FNDC3B: variants seen among roughly 807,000 people sequenced by gnomAD.
FNDC3B encodes fibronectin type III domain containing 3B.
A neutral mutation model predicts 151.5 loss-of-function variants in FNDC3B; 12 were observed. The observed-to-expected ratio is 0.08, with a 90% CI of 0.05 to 0.13. FNDC3B has a LOEUF of 0.13. Ranked by LOEUF, FNDC3B falls within the 10% of genes least tolerant of loss-of-function variation. FNDC3B has a pLI of 1.00. For missense variants in FNDC3B, 1,214 were observed against 1,505.3 expected (o/e 0.81, Z 3.20); for synonymous variants, 528 against 549.0 (o/e 0.96, Z 0.54).
chr3:172,044,719 A>G (rs1427032556), intron 1 of FNDC3B, among the ~76,000 whole-genome samples: 1 of 152,226 alleles, frequency 6.6e-6, no homozygotes, highest in African/African-American at 2.4e-5. Context: ...TGTTATAAAT[A>G]GAATTATAGT....
At chr3:172,247,435 G>T (rs914130929) in intron 4 of FNDC3B, 98 bp from the exon 5 acceptor site, 27 of 1,331,796 alleles carry the variant, frequency 2.0e-5, no homozygotes, top group Non-Finnish European at 2.8e-5. Flanking sequence ...TTCTATGGTG[G>T]AAGAGAAAAG....
At chr3:172,257,606 A>ACACG (rs1330369593) in intron 6 of FNDC3B, among the ~76,000 whole-genome samples, 5 of 142,800 alleles carry the variant, frequency 3.5e-5, no homozygotes, top group Non-Finnish European at 7.6e-5. Context: ...ACACACACAC[A>ACACG]CACGCACTCT....
chr3:172,055,712 G>C (rs766530663), intron 1 of FNDC3B, among the ~76,000 whole-genome samples: 44 of 152,238 alleles, frequency 2.9e-4, no homozygotes, highest in South Asian at 8.3e-4. Flanking sequence ...GAGTGAGTAG[G>C]GGAGAACAGG....
chr3:172,293,018 C>T (rs577088803), intron 7 of FNDC3B, among the ~76,000 whole-genome samples: 7 of 152,168 alleles, frequency 4.6e-5, no homozygotes, highest in Non-Finnish European at 1.0e-4. Context: ...AGTCTCAGAA[C>T]ACTTAAGAGT....
rs1447259621 is a variant in FNDC3B at position 172,295,473 on chromosome 3, A to G, written c.960A>G (p.Leu320=). 6.2e-7 allele frequency: 1 copy of G among 1,613,982 alleles called. No homozygotes were observed. The highest frequency in any genetic ancestry group is 2.2e-5 in the East Asian group (1 of 44,880). Residue 320 remains leucine, a synonymous_variant, in exon 8 of 26, where the codon TTA becomes TTG. Coordinates refer to ENST00000415807, the MANE Select transcript of FNDC3B (RefSeq NM_022763.4). ...TCCCCTACAGTTACGAGGTGGCCTT[A>G]TCAGACAAAGGACGAGATGGAAAAT... ...LSFPYSYEVA[L]SDKGRDGKYK...
intron 1 of FNDC3B, among the ~76,000 whole-genome samples, chr3:172,059,065 AT>A (rs755620240): frequency 1.4e-3 from 206 of 152,262 alleles, no homozygotes; most frequent in Non-Finnish European, 1.1e-3. Flanking sequence ...ATCTTCCATA[AT>A]GTTTATTTTC....
In FNDC3B at chr3:172,040,836, C is replaced by T. The variant is rs1327207484; in HGVS notation, c.-29+1065C>T. On this transcript the variant is annotated intron_variant, in intron 1 of 25. Coordinates refer to ENST00000415807, the MANE Select transcript of FNDC3B (RefSeq NM_022763.4). The surrounding 1 kb of genome is among the most constrained non-coding windows in gnomAD (Gnocchi z 6.6). ...TTCCCAGAGGTCCGGGTCCCGGCGTCCCGTGGGAACCGGAGGACCCGGGCC... is the reference window on the plus strand; with the variant it reads ...TTCCCAGAGGTCCGGGTCCCGGCGTTCCGTGGGAACCGGAGGACCCGGGCC... Among the ~76,000 whole-genome samples, 2 of 152,036 alleles carry T rather than the reference C, an allele frequency of 1.3e-5. No homozygotes were observed. The highest frequency in any genetic ancestry group is 4.8e-5 in the African/African-American group (2 of 41,442).
chr3:172,125,860 T>C (rs1720786308), intron 2 of FNDC3B, among the ~76,000 whole-genome samples: 1 of 152,216 alleles, frequency 6.6e-6, no homozygotes, highest in South Asian at 2.1e-4. Flanking sequence ...ACCGGGTTGC[T>C]CATGAGTTCC....
chr3:172,052,122 C>T (rs1167000597), intron 1 of FNDC3B, among the ~76,000 whole-genome samples: 2 of 150,510 alleles, frequency 1.3e-5, no homozygotes, highest in African/African-American at 2.4e-5. Context: ...TCTGGCTCTG[C>T]TGCCCAGGCT....
intron 1 of FNDC3B, among the ~76,000 whole-genome samples, chr3:172,084,470 TATACACACACACAC>T (rs1263743508): frequency 4.3e-5 from 2 of 46,568 alleles, no homozygotes; most frequent in Non-Finnish European, 9.5e-5. Context: ...TATGTATATG[TATACACACACACAC>T]ATACACACAC....
chr3:172,372,880 A>G (rs1187791445), intron 23 of FNDC3B, among the ~76,000 whole-genome samples: 1 of 152,184 alleles, frequency 6.6e-6, no homozygotes, highest in Non-Finnish European at 1.5e-5. Context: ...AAAACAATCT[A>G]CGAGGTAGAT....
chr3:172,090,275 C>CA (rs1718748598), intron 1 of FNDC3B, among the ~76,000 whole-genome samples: 1 of 152,148 alleles, frequency 6.6e-6, no homozygotes, highest in Non-Finnish European at 1.5e-5. Context: ...TGATGCACAT[C>CA]TCCTAGCTCC....
chr3:172,281,211 ATTTATATTTATTTATTTAT>A (rs1233611778), intron 6 of FNDC3B, among the ~76,000 whole-genome samples: 6 of 135,020 alleles, frequency 4.4e-5, no homozygotes, highest in Admixed American at 7.9e-5. Context: ...TATTATTATT[ATTTATATTTATTTATTTAT>A]TTATTTATTT....
chr3:172,065,460 T>C (rs961016465), intron 1 of FNDC3B, among the ~76,000 whole-genome samples: 3 of 152,236 alleles, frequency 2.0e-5, no homozygotes, highest in African/African-American at 7.2e-5. Flanking sequence ...CTACTTCCTG[T>C]GTGTGAAATA....
chr3:172,187,653 GT>G (rs746597426), intron 3 of FNDC3B, among the ~76,000 whole-genome samples: 2 of 152,160 alleles, frequency 1.3e-5, no homozygotes, highest in East Asian at 1.9e-4. Context: ...TCTTTGTATT[GT>G]TTTTTCCCCC....
intron 3 of FNDC3B, among the ~76,000 whole-genome samples, chr3:172,174,944 C>CCCCGCCCCCG (rs924176605): frequency 2.0e-5 from 1 of 50,654 alleles, no homozygotes; most frequent in African/African-American, 5.2e-5. Context: ...CCCCCCCCCC[C>CCCCGCCCCCG]CCAATACAAT....
chr3:172,192,422 T>C (rs1369579068), intron 3 of FNDC3B, among the ~76,000 whole-genome samples: 1 of 152,012 alleles, frequency 6.6e-6, no homozygotes, highest in Non-Finnish European at 1.5e-5. Flanking sequence ...CCTGACCTTG[T>C]GATCCGCCCG....
intron 3 of FNDC3B, 92 bp downstream of exon 3, chr3:172,133,638 TC>T (rs1463052247): frequency 1.1e-6 from 1 of 909,414 alleles, no homozygotes; most frequent in Non-Finnish European, 1.9e-6. Flanking sequence ...CATGTAATTT[TC>T]TAGAAGTAAA....
intron 3 of FNDC3B, among the ~76,000 whole-genome samples, chr3:172,146,079 C>T (rs1010444641): frequency 4.6e-5 from 7 of 152,262 alleles, no homozygotes; most frequent in Admixed American, 2.0e-4. Context: ...TCCCAGAGTG[C>T]TGGGATTACA....
Sources: gnomAD v4.1 joint callset for allele counts (sites outside exome capture counted in the v4.1 genomes callset) on GRCh38, gnomAD v4.1.1 for gene constraint, Gnocchi (gnomAD v3.1) non-coding constraint, MANE v1.5 for transcripts, NCBI Gene and HGNC (gene_info 2026-07-23, HGNC 2026-07-21) for gene names.